The following STXBP5L variants were observed in gnomAD, a reference collection of about 807,000 sequenced individuals.
STXBP5L encodes the protein syntaxin-binding protein 5-like.
In STXBP5L, 65 loss-of-function variants were observed where a neutral mutation model predicts 144.5. The ratio of observed to expected loss-of-function variants is 0.45; its 90% confidence interval spans 0.37 to 0.55. The LOEUF (loss-of-function observed/expected upper bound fraction) is 0.55, where lower values mean the gene tolerates loss of function less well. STXBP5L is among the 20% of genes least tolerant of loss of function. The probability of loss-of-function intolerance (pLI) is 0.00; values close to 1 mark genes in which losing one functional copy is unlikely to be tolerated. For missense variants in STXBP5L, 1,298 were observed against 1,405.5 expected, an observed-to-expected ratio of 0.92 and a Z score of 1.22; for synonymous variants, 505 against 469.6, an observed-to-expected ratio of 1.08 and a Z score of -0.97.
chr3:121,318,300 TA>T lies in STXBP5L; in HGVS notation c.2111-165del, dbSNP rs998593926. On this transcript the variant is annotated intron_variant, in intron 19 of 26. Transcript: ENST00000471454. Reference sequence around the variant, plus strand: ...TAGTGAGACCCTGTCTCTATAAAAATAAAAAAAAAATTAATAAAAATATTTT... The same window carrying T: ...TAGTGAGACCCTGTCTCTATAAAAATAAAAAAAAATTAATAAAAATATTTT... Among the ~76,000 whole-genome samples the T allele has an allele frequency of 1.2e-3, 176 of 148,140 alleles. 1 individual carries two copies. Among genetic ancestry groups the T allele is most frequent in the Non-Finnish European group, 9.3e-4 (62 of 66,784 alleles).
intron 9 of STXBP5L, among the ~76,000 whole-genome samples, chr3:121,202,818 AT>A (rs377702346): frequency 3.5e-4 from 53 of 149,520 alleles, no homozygotes; most frequent in African/African-American, 9.3e-4. Flanking sequence ...AAGGTGTTTT[AT>A]TTTTTTTTCT....
intron 22 of STXBP5L, among the ~76,000 whole-genome samples, chr3:121,389,778 C>G: frequency 6.6e-6 from 1 of 152,198 alleles, no homozygotes; most frequent in East Asian, 1.9e-4. Flanking sequence ...TGTTCTTTTA[C>G]ATTTACTGAG....
At chr3:121,080,868 C>T (rs1365926977) in intron 5 of STXBP5L, among the ~76,000 whole-genome samples, 2 of 152,024 alleles carry the variant, frequency 1.3e-5, no homozygotes, top group African/African-American at 4.8e-5. Context: ...GATGAATTTC[C>T]CATAAGTTAT....
At chr3:121,134,528 T>C (rs1054262321) in intron 7 of STXBP5L, among the ~76,000 whole-genome samples, 4 of 152,052 alleles carry the variant, frequency 2.6e-5, no homozygotes, top group Non-Finnish European at 2.9e-5. Context: ...TAACATTAGG[T>C]ATATCTCCTA....
At chr3:121,027,958 T>A (rs1416901546) in intron 3 of STXBP5L, among the ~76,000 whole-genome samples, 4 of 152,210 alleles carry the variant, frequency 2.6e-5, no homozygotes, top group South Asian at 4.1e-4. Flanking sequence ...CACCATAACT[T>A]TTTGAGTACT....
At chr3:121,195,442 C>T (rs776045451) in intron 9 of STXBP5L, among the ~76,000 whole-genome samples, 7 of 152,106 alleles carry the variant, frequency 4.6e-5, no homozygotes, top group Non-Finnish European at 8.8e-5. Flanking sequence ...TTCTCCCCTC[C>T]CCTGCTTCAC....
chr3:120,979,439 G>T (rs1576555304), intron 3 of STXBP5L, among the ~76,000 whole-genome samples: 2 of 152,150 alleles, frequency 1.3e-5, no homozygotes, highest in Admixed American at 1.3e-4. Flanking sequence ...AATTTTCCAG[G>T]TGCCGTCTGT....
At chr3:121,405,528 G>A (rs1286028891) in intron 22 of STXBP5L, among the ~76,000 whole-genome samples, 7 of 152,110 alleles carry the variant, frequency 4.6e-5, no homozygotes, top group South Asian at 2.1e-4. Flanking sequence ...TAGTCGGCAA[G>A]GCTGGTGATT....
intron 9 of STXBP5L, among the ~76,000 whole-genome samples, chr3:121,165,942 A>AT (rs1311831373): frequency 1.4e-5 from 2 of 142,300 alleles, no homozygotes; most frequent in East Asian, 4.2e-4. Flanking sequence ...AGTTACCGCT[A>AT]TTTTCTCTTT....
rs2047348291 is a variant in STXBP5L, at chr3:121,421,297, A to G, written c.*2200A>G. The G allele has an allele frequency of 6.6e-6, 1 of 152,290 alleles. No homozygotes were observed. Among genetic ancestry groups the G allele is most frequent in the Non-Finnish European group, 1.5e-5 (1 of 68,024 alleles). 9.4% of individuals were successfully genotyped at this position (152,290 alleles called of 1,614,324 possible). On this transcript the variant is annotated 3_prime_UTR_variant, in exon 27 of 27. Coordinates refer to ENST00000471454, the MANE Select transcript of STXBP5L (RefSeq NM_001308330.2). ...CAGTACATTTGATGAGTATTTCTGA[A>G]GCCTTCAATAAGATTTAACTTGTTT...
intron 2 of STXBP5L, among the ~76,000 whole-genome samples, chr3:120,910,388 A>T (rs966477340): frequency 6.6e-6 from 1 of 152,250 alleles, no homozygotes; most frequent in African/African-American, 2.4e-5. Flanking sequence ...TCTAATGAAT[A>T]TGCAAAAGAG....
In STXBP5L at chr3:120,977,198, G is replaced by C. The variant is rs1015600323; in HGVS notation, c.287+22161G>C. Among the ~76,000 whole-genome samples the C allele has an allele frequency of 2.0e-5, 3 of 152,192 alleles. No homozygotes were observed. In the East Asian group the frequency reaches 5.8e-4, roughly 29 times the overall value. On this transcript the variant is annotated intron_variant, in intron 3 of 26. Coordinates refer to ENST00000471454, the MANE Select transcript of STXBP5L (RefSeq NM_001308330.2). ...GGAGTCTAAGTCTCTTTGTAGGTCAGTAAGGACTTGCTTCATGAATCTGGG... is the reference window on the plus strand; with the variant it reads ...GGAGTCTAAGTCTCTTTGTAGGTCACTAAGGACTTGCTTCATGAATCTGGG...
chr3:120,926,930 T>C (rs1709663264), intron 2 of STXBP5L, among the ~76,000 whole-genome samples: 1 of 140,280 alleles, frequency 7.1e-6, no homozygotes, highest in Admixed American at 7.5e-5. Flanking sequence ...ATAAATTTCT[T>C]TCCTTTCTTT....
At chr3:121,103,461 C>T (rs2043534610) in intron 5 of STXBP5L, among the ~76,000 whole-genome samples, 2 of 152,090 alleles carry the variant, frequency 1.3e-5, no homozygotes, top group African/African-American at 4.8e-5. Context: ...AACACATGTT[C>T]TCAAGTATAC....
chr3:121,355,577 G>A (rs1408684244), intron 20 of STXBP5L, among the ~76,000 whole-genome samples: 1 of 152,024 alleles, frequency 6.6e-6, no homozygotes, highest in Admixed American at 6.6e-5. Flanking sequence ...ATTCTATTTA[G>A]CATTTCTTCT....
intron 9 of STXBP5L, among the ~76,000 whole-genome samples, chr3:121,181,703 A>T (rs1428731007): frequency 6.6e-6 from 1 of 152,148 alleles, no homozygotes; most frequent in East Asian, 1.9e-4. Context: ...GTGCCACTGC[A>T]CTCCAGCCTG....
chr3:121,193,973 A>G (rs1471144216), intron 9 of STXBP5L, among the ~76,000 whole-genome samples: 2 of 123,748 alleles, frequency 1.6e-5, no homozygotes, highest in African/African-American at 3.5e-5. Context: ...ACATATAATA[A>G]TAATAATAAT....
At chr3:121,052,986 C>G (rs1948144049) in intron 5 of STXBP5L, among the ~76,000 whole-genome samples, 1 of 152,156 alleles carries the variant, frequency 6.6e-6, no homozygotes, top group Admixed American at 6.5e-5. Flanking sequence ...TGAGTGAACT[C>G]CCATTCACAA....
At chr3:121,028,541 C>G (rs895182666) in intron 3 of STXBP5L, among the ~76,000 whole-genome samples, 7 of 151,970 alleles carry the variant, frequency 4.6e-5, no homozygotes, top group African/African-American at 1.7e-4. Context: ...CTTACATTTT[C>G]TATAGTAGAA....
Sources: allele counts gnomAD v4.1 joint callset (sites outside exome capture counted in the v4.1 genomes callset), GRCh38; gene constraint gnomAD v4.1.1; transcripts MANE v1.5; gene names NCBI Gene and HGNC (gene_info 2026-07-23, HGNC 2026-07-21).